Variants in ASPRV1 observed in about 807,000 individuals in gnomAD.
ASPRV1 encodes retroviral-like aspartic protease 1.
Under a neutral mutation model 11.0 loss-of-function variants are expected in ASPRV1, and 7 were observed. The observed-to-expected ratio is 0.64, with a 90% CI of 0.36 to 1.20. The LOEUF (loss-of-function observed/expected upper bound fraction) is 1.20, where lower values mean the gene tolerates loss of function less well. Among genes scored for constraint, ASPRV1 ranks in the 50% most tolerant of loss-of-function variants. ASPRV1 has a pLI of 0.02. For synonymous variants in ASPRV1, 136 were observed against 138.4 expected, an observed-to-expected ratio of 0.98 and a Z score of 0.12; for missense variants, 299 against 320.0, an observed-to-expected ratio of 0.93 and a Z score of 0.50.
At chr2:70,055,124 G>A in the ASPRV1 span, among the ~76,000 whole-genome samples, 2 of 152,088 alleles carry the variant, frequency 1.3e-5, no homozygotes, top group Non-Finnish European at 2.9e-5. Context: ...CCAACGTGGT[G>A]AAACCCTGTC....
chr2:70,049,230 A>C, the ASPRV1 span: 1 of 127,398 alleles, frequency 7.8e-6, no homozygotes, highest in Non-Finnish European at 1.6e-5. Flanking sequence ...AGGTTCTGGG[A>C]CAACATGAAT....
the ASPRV1 span, among the ~76,000 whole-genome samples, chr2:70,054,844 T>C: frequency 6.6e-6 from 1 of 152,204 alleles, no homozygotes; most frequent in South Asian, 2.1e-4. Flanking sequence ...TTGGGGATCA[T>C]TCACAAGACA....
At chr2:69,974,168 T>C in the ASPRV1 span, among the ~76,000 whole-genome samples, 1 of 151,876 alleles carries the variant, frequency 6.6e-6, no homozygotes, top group East Asian at 1.9e-4. Flanking sequence ...AGAAACTCTG[T>C]CTCTAATAAC....
chr2:70,024,647 A>G, the ASPRV1 span, among the ~76,000 whole-genome samples: 4 of 151,650 alleles, frequency 2.6e-5, 1 homozygote, highest in African/African-American at 9.7e-5. Context: ...CTCTTTCTCA[A>G]TCCTCTTTCC....
chr2:70,067,875 C>T, the ASPRV1 span, among the ~76,000 whole-genome samples: 1 of 152,126 alleles, frequency 6.6e-6, no homozygotes, highest in Non-Finnish European at 1.5e-5. Context: ...TTATTATATT[C>T]TCTGTAAATT....
chr2:69,993,612 A>G, the ASPRV1 span: 3 of 152,210 alleles, frequency 2.0e-5, no homozygotes, highest in Non-Finnish European at 4.4e-5. Flanking sequence ...GGTTCCCATC[A>G]ATTACATTTT....
chr2:70,078,171 TTAAA>T, the ASPRV1 span, among the ~76,000 whole-genome samples: 1 of 152,122 alleles, frequency 6.6e-6, no homozygotes, highest in African/African-American at 2.4e-5. Flanking sequence ...AAAATAATAA[TTAAA>T]TAAATTTATT....
the ASPRV1 span, among the ~76,000 whole-genome samples, chr2:70,008,899 AAG>A: frequency 6.6e-6 from 1 of 152,190 alleles, no homozygotes; most frequent in Non-Finnish European, 1.5e-5. Context: ...CAGTCTGTGC[AAG>A]AGAATCCTCA....
At chr2:70,029,103 C>A in the ASPRV1 span, among the ~76,000 whole-genome samples, 1 of 152,030 alleles carries the variant, frequency 6.6e-6, no homozygotes, top group African/African-American at 2.4e-5. Flanking sequence ...TGATGTCATT[C>A]GAGAGCAAAC....
At chr2:69,955,710 G>A (rs1266933380), downstream of ASPRV1, among the ~76,000 whole-genome samples, 3 of 152,262 alleles carry the variant, frequency 2.0e-5, no homozygotes, top group East Asian at 5.8e-4. Flanking sequence ...GTGCCACCTC[G>A]CACCTTGCTA....
the ASPRV1 span, among the ~76,000 whole-genome samples, chr2:69,945,226 G>C: frequency 6.2e-3 from 945 of 151,384 alleles, 9 homozygotes; most frequent in African/African-American, 0.022. Flanking sequence ...GCGACAGAGA[G>C]AGACCCTGTC....
At chr2:70,009,393 G>A in the ASPRV1 span, among the ~76,000 whole-genome samples, 45 of 151,876 alleles carry the variant, frequency 3.0e-4, no homozygotes, top group South Asian at 7.1e-3. Context: ...GCAGTGGCAC[G>A]ATCTTGGCTC....
At chr2:69,940,444 A>G in the ASPRV1 span, 1 of 152,756 alleles carries the variant, frequency 6.5e-6, no homozygotes, top group South Asian at 2.1e-4. Context: ...AAGACTTTGG[A>G]AAAAGCTTGT....
the ASPRV1 span, among the ~76,000 whole-genome samples, chr2:69,971,787 G>C: frequency 1.3e-5 from 2 of 152,148 alleles, no homozygotes; most frequent in Non-Finnish European, 2.9e-5. Flanking sequence ...TGCATCATCT[G>C]GGGGAGCTTT....
the ASPRV1 span, among the ~76,000 whole-genome samples, chr2:69,972,514 T>A: frequency 1.3e-5 from 2 of 152,038 alleles, no homozygotes; most frequent in South Asian, 2.1e-4. Flanking sequence ...CCCGCCACCA[T>A]GCCCGGCTAT....
the ASPRV1 span, among the ~76,000 whole-genome samples, chr2:69,968,873 C>T: frequency 6.6e-6 from 1 of 152,306 alleles, no homozygotes; most frequent in South Asian, 2.1e-4. Flanking sequence ...GCAGCATGGG[C>T]GTCTCCCAGG....
the ASPRV1 span, among the ~76,000 whole-genome samples, chr2:70,027,701 G>A: frequency 6.6e-6 from 1 of 152,340 alleles, no homozygotes; most frequent in East Asian, 1.9e-4. Context: ...AAGGGTAGGA[G>A]AGAGACTGAT....
chr2:69,937,465 G>C, the ASPRV1 span: 4 of 1,411,094 alleles, frequency 2.8e-6, no homozygotes, highest in African/African-American at 1.4e-5. Flanking sequence ...TCAGTACTGC[G>C]GACAGGAGGC....
At chr2:70,001,038 G>A in the ASPRV1 span, among the ~76,000 whole-genome samples, 1 of 151,874 alleles carries the variant, frequency 6.6e-6, no homozygotes, top group African/African-American at 2.4e-5. Context: ...TAGTGAAGGA[G>A]GCACTCTCAT....
Sources: allele counts gnomAD v4.1 joint callset (sites outside exome capture counted in the v4.1 genomes callset), GRCh38; gene constraint gnomAD v4.1.1; transcripts MANE v1.5; gene names NCBI Gene and HGNC (gene_info 2026-07-23, HGNC 2026-07-21).